ROBO1: variants seen among roughly 807,000 people sequenced by gnomAD.
ROBO1 encodes the protein roundabout homolog 1.
Under a neutral mutation model 195.9 loss-of-function variants are expected in ROBO1, and 149 were observed. That is an observed-to-expected ratio of 0.76 (90% CI 0.67 to 0.87). ROBO1 has a LOEUF of 0.87. Among genes scored for constraint, ROBO1 ranks in the 40% least tolerant of loss-of-function variants. The pLI, the probability that ROBO1 is intolerant of heterozygous loss-of-function variation, is 0.00. For missense variants in ROBO1, 1,933 were observed against 2,068.3 expected, an observed-to-expected ratio of 0.93 and a Z score of 1.27; for synonymous variants, 816 against 733.2, an observed-to-expected ratio of 1.11 and a Z score of -1.82.
intron 3 of ROBO1, among the ~76,000 whole-genome samples, chr3:78,948,326 G>A (rs2040573241): frequency 6.6e-6 from 1 of 152,074 alleles, no homozygotes; most frequent in Non-Finnish European, 1.5e-5. Flanking sequence ...ATGATCAAGT[G>A]GGCTTCATCC....
intron 1 of ROBO1, among the ~76,000 whole-genome samples, chr3:79,697,702 GTT>G (rs935966108): frequency 1.3e-5 from 2 of 151,282 alleles, no homozygotes; most frequent in African/African-American, 4.8e-5. Flanking sequence ...GGAAAATGTA[GTT>G]CATAACAAGG....
chr3:79,072,016 C>G (rs927685532), intron 3 of ROBO1, among the ~76,000 whole-genome samples: 44 of 151,738 alleles, frequency 2.9e-4, no homozygotes, highest in Non-Finnish European at 1.0e-4. Flanking sequence ...GGGTTTACTC[C>G]AAAGAAAGAC....
chr3:79,235,545 A>C (rs182877481), intron 2 of ROBO1, among the ~76,000 whole-genome samples: 90 of 152,246 alleles, frequency 5.9e-4, no homozygotes. Flanking sequence ...CATCAAATGA[A>C]TGGTCAATGT....
intron 2 of ROBO1, among the ~76,000 whole-genome samples, chr3:79,272,155 G>T (rs539172230): frequency 3.3e-5 from 5 of 151,992 alleles, no homozygotes; most frequent in Non-Finnish European, 4.4e-5. Flanking sequence ...ACATACTGAG[G>T]AAAGGAGGAT....
chr3:78,714,589 C>T (rs913469725), intron 7 of ROBO1, 65 bp from the exon 8 acceptor site: 5 of 1,449,074 alleles, frequency 3.5e-6, no homozygotes, highest in Admixed American at 2.1e-5. Context: ...CATTATTATA[C>T]ACACAATGCT....
At chr3:79,538,965 A>G (rs1408354352) in intron 2 of ROBO1, among the ~76,000 whole-genome samples, 7 of 152,158 alleles carry the variant, frequency 4.6e-5, no homozygotes, top group Admixed American at 1.3e-4. Flanking sequence ...CAGAGGCTAG[A>G]GTTTGTACAG....
chr3:79,225,072 A>G (rs1190556371), intron 2 of ROBO1, among the ~76,000 whole-genome samples: 1 of 152,184 alleles, frequency 6.6e-6, no homozygotes, highest in Non-Finnish European at 1.5e-5. Context: ...TTAGGAAAGA[A>G]CATTCCAGAG....
intron 4 of ROBO1, among the ~76,000 whole-genome samples, chr3:78,921,956 T>A (rs2038959603): frequency 6.6e-6 from 1 of 152,122 alleles, no homozygotes; most frequent in Non-Finnish European, 1.5e-5. Flanking sequence ...CCAGCTATTT[T>A]TTCTTATTTT....
chr3:79,350,679 G>A (rs1198094682), intron 2 of ROBO1, among the ~76,000 whole-genome samples: 2 of 152,136 alleles, frequency 1.3e-5, no homozygotes, highest in African/African-American at 4.8e-5. Flanking sequence ...ACATTAAAGA[G>A]GCTGGTCACA....
At chr3:79,326,153 T>C (rs2034202700) in intron 2 of ROBO1, among the ~76,000 whole-genome samples, 1 of 152,164 alleles carries the variant, frequency 6.6e-6, no homozygotes, top group East Asian at 1.9e-4. Flanking sequence ...GATAAGATGT[T>C]ATCCATGACA....
intron 4 of ROBO1, among the ~76,000 whole-genome samples, chr3:78,833,700 C>T (rs767855410): frequency 1.3e-5 from 2 of 151,952 alleles, no homozygotes; most frequent in Non-Finnish European, 2.9e-5. Flanking sequence ...ATTAATGTTC[C>T]ATACATTTAC....
intron 2 of ROBO1, among the ~76,000 whole-genome samples, chr3:79,255,802 C>A (rs1188160391): frequency 3.9e-5 from 6 of 152,258 alleles, no homozygotes; most frequent in Admixed American, 2.0e-4. Context: ...TCCCCCTCCA[C>A]CACACTGACA....
At chr3:79,317,674 T>A (rs1253136640) in intron 2 of ROBO1, among the ~76,000 whole-genome samples, 2 of 152,132 alleles carry the variant, frequency 1.3e-5, no homozygotes, top group African/African-American at 4.8e-5. Context: ...CAACATCCCA[T>A]CCTTCCTAAT....
chr3:79,084,738 C>T (rs1035192785), intron 3 of ROBO1, among the ~76,000 whole-genome samples: 8 of 152,124 alleles, frequency 5.3e-5, no homozygotes, highest in African/African-American at 1.9e-4. Context: ...AGAATCCACG[C>T]TCTTACCCAC....
chr3:79,207,450 C>T (rs1279129821), intron 2 of ROBO1, among the ~76,000 whole-genome samples: 1 of 152,210 alleles, frequency 6.6e-6, no homozygotes, highest in Non-Finnish European at 1.5e-5. Context: ...ACTTTCCAGT[C>T]GTAATCGATT....
chr3:79,034,932 G>A (rs1019635666), intron 3 of ROBO1, among the ~76,000 whole-genome samples: 7 of 151,942 alleles, frequency 4.6e-5, no homozygotes, highest in African/African-American at 1.7e-4. Flanking sequence ...CTTTGTTGGT[G>A]AAACAGACAA....
At chr3:79,107,118 CT>C (rs2079796535) in intron 3 of ROBO1, among the ~76,000 whole-genome samples, 1 of 140,598 alleles carries the variant, frequency 7.1e-6, no homozygotes, top group African/African-American at 2.6e-5. Context: ...CTCTCTCTCT[CT>C]CTCTCTCTCA....
At chr3:78,979,287 G>A (rs1021213222) in intron 3 of ROBO1, among the ~76,000 whole-genome samples, 3 of 152,108 alleles carry the variant, frequency 2.0e-5, no homozygotes, top group Non-Finnish European at 4.4e-5. Flanking sequence ...ATCAGCCAAC[G>A]TGAAATAAAA....
chr3:79,563,751 A>T (rs1017270934), intron 2 of ROBO1, among the ~76,000 whole-genome samples: 2 of 152,074 alleles, frequency 1.3e-5, no homozygotes, highest in African/African-American at 2.4e-5. Flanking sequence ...TTTACATAAA[A>T]CATCTCACAT....
Sources: gnomAD v4.1 joint callset for allele counts (sites outside exome capture counted in the v4.1 genomes callset) on GRCh38, gnomAD v4.1.1 for gene constraint, MANE v1.5 for transcripts, NCBI Gene and HGNC (gene_info 2026-07-23, HGNC 2026-07-21) for gene names.